The following RAP1A variants were observed in gnomAD, a reference collection of about 807,000 sequenced individuals.
RAP1A encodes the protein RAP1A, member of RAS oncogene family, also known as ras-related protein Rap-1A.
RAP1A carries 6 observed loss-of-function variants against 26.4 expected under a neutral mutation model. That is an observed-to-expected ratio of 0.23 (90% CI 0.12 to 0.45). RAP1A has a LOEUF of 0.45. RAP1A is among the 20% of genes least tolerant of loss of function. The pLI is 0.99. For synonymous variants in RAP1A, 73 were observed against 79.4 expected (o/e 0.92, Z 0.43); for missense variants, 121 against 217.2 (o/e 0.56, Z 2.78).
chr1:111,652,209 G>A (rs1204506091), intron 1 of RAP1A, among the ~76,000 whole-genome samples: 1 of 151,954 alleles, frequency 6.6e-6, no homozygotes, highest in Non-Finnish European at 1.5e-5. Context: ...CCTGATCTCA[G>A]GTGATCCACC....
chr1:111,671,502 T>A (rs1660973681), intron 1 of RAP1A, among the ~76,000 whole-genome samples: 1 of 152,138 alleles, frequency 6.6e-6, no homozygotes, highest in African/African-American at 2.4e-5. Flanking sequence ...TTTGAGGCAC[T>A]CTCATTTTGT....
intron 1 of RAP1A, among the ~76,000 whole-genome samples, chr1:111,678,740 C>T (rs924575655): frequency 6.6e-6 from 1 of 150,828 alleles, no homozygotes; most frequent in African/African-American, 2.4e-5. Flanking sequence ...TGTCATTATG[C>T]AGCACATGAC....
intron 1 of RAP1A, among the ~76,000 whole-genome samples, chr1:111,628,793 A>G (rs1659478280): frequency 6.6e-6 from 1 of 152,208 alleles, no homozygotes; most frequent in Non-Finnish European, 1.5e-5. Flanking sequence ...GCTTACATGC[A>G]GTTAGGCAGC....
intron 1 of RAP1A, among the ~76,000 whole-genome samples, chr1:111,632,325 A>G (rs1659591813): frequency 6.6e-6 from 1 of 152,062 alleles, no homozygotes; most frequent in South Asian, 2.1e-4. Flanking sequence ...CAAATTAATT[A>G]ATATCTTAAT....
intron 1 of RAP1A, among the ~76,000 whole-genome samples, chr1:111,553,300 G>C (rs1657346184): frequency 6.6e-6 from 1 of 152,188 alleles, no homozygotes; most frequent in South Asian, 2.1e-4. Flanking sequence ...GGATTCCTCA[G>C]CTCTGGCAAA....
At chr1:111,686,769 C>G (rs1479904028) in intron 1 of RAP1A, 1 of 147,962 alleles carries the variant, frequency 6.8e-6, no homozygotes, top group Non-Finnish European at 1.5e-5. Flanking sequence ...ACTAAAGTAA[C>G]CTAAAATGGT....
intron 1 of RAP1A, among the ~76,000 whole-genome samples, chr1:111,642,924 C>T (rs113493390): frequency 0.13 from 19,575 of 151,808 alleles, 1,594 homozygotes; most frequent in South Asian, 0.17. Context: ...TGTGCGCCAC[C>T]ACACCCGGCT....
intron 1 of RAP1A, among the ~76,000 whole-genome samples, chr1:111,634,776 C>T (rs1659677039): frequency 6.6e-6 from 1 of 151,942 alleles, no homozygotes; most frequent in Admixed American, 6.6e-5. Flanking sequence ...TCCTGAGTAG[C>T]TGGGATTACA....
chr1:111,638,984 A>G (rs1315018095), intron 1 of RAP1A, among the ~76,000 whole-genome samples: 1 of 152,210 alleles, frequency 6.6e-6, no homozygotes, highest in African/African-American at 2.4e-5. Flanking sequence ...AAAGTTGCAT[A>G]GTGAACAAAC....
At position 111,704,494 on chromosome 1, in the gene RAP1A, A is replaced by G. The variant is rs770708416; in HGVS notation, c.468+8A>G. On this transcript the variant is annotated splice_region_variant and intron_variant, in intron 6 of 7. Transcript: ENST00000369709. ...AAGATCAATGTTAATGAGGTAACCT[A>G]CAACTGCTGGGCAGCACAAACAAGT... The G allele has an allele frequency of 1.9e-6, 3 of 1,609,128 alleles. No homozygotes were observed. The highest frequency in any genetic ancestry group is 1.1e-5 in the South Asian group (1 of 90,432).
At chr1:111,653,327 A>G (rs1288150540) in intron 1 of RAP1A, among the ~76,000 whole-genome samples, 1 of 152,108 alleles carries the variant, frequency 6.6e-6, no homozygotes, top group African/African-American at 2.4e-5. Flanking sequence ...CAGAAATTAG[A>G]TAGTGATGGT....
chr1:111,689,833 C>T (rs569400191), intron 1 of RAP1A, among the ~76,000 whole-genome samples: 83 of 152,144 alleles, frequency 5.5e-4, no homozygotes, highest in Non-Finnish European at 1.1e-3. Context: ...CCCGCCACCA[C>T]GCCCGGCTAA....
At chr1:111,702,722 G>A (rs968716744) in intron 4 of RAP1A, among the ~76,000 whole-genome samples, 1 of 148,438 alleles carries the variant, frequency 6.7e-6, no homozygotes, top group African/African-American at 2.4e-5. Flanking sequence ...CACTACGCCC[G>A]GCTAATGTTG....
intron 1 of RAP1A, among the ~76,000 whole-genome samples, chr1:111,683,367 CAATG>C (rs1661366754): frequency 6.6e-6 from 1 of 151,914 alleles, no homozygotes; most frequent in African/African-American, 2.4e-5. Context: ...TTCAAAAAAT[CAATG>C]AATCCAGGAG....
chr1:111,600,940 G>A (rs1014802723), intron 1 of RAP1A, among the ~76,000 whole-genome samples: 2 of 152,286 alleles, frequency 1.3e-5, no homozygotes, highest in Non-Finnish European at 2.9e-5. Flanking sequence ...GCATGTGAGC[G>A]GAGTGAGTAA....
At chr1:111,660,170 C>T (rs1266767103) in intron 1 of RAP1A, among the ~76,000 whole-genome samples, 4 of 152,182 alleles carry the variant, frequency 2.6e-5, no homozygotes, top group Admixed American at 2.6e-4. Flanking sequence ...GATAGTGTCA[C>T]TTAATACAGA....
intron 1 of RAP1A, among the ~76,000 whole-genome samples, chr1:111,594,029 T>C (rs1571487854): frequency 6.6e-6 from 1 of 152,086 alleles, no homozygotes; most frequent in Non-Finnish European, 1.5e-5. Context: ...GAAAACAAAA[T>C]AAGTTGATTT....
At chr1:111,669,026 G>GAAAAAAAAA (rs58557062) in intron 1 of RAP1A, among the ~76,000 whole-genome samples, 14 of 19,338 alleles carry the variant, frequency 7.2e-4, no homozygotes, top group Non-Finnish European at 9.7e-4. Flanking sequence ...CCTATCTCAA[G>GAAAAAAAAA]AAAAAAAAAA....
At chr1:111,575,693 C>T (rs1658134195) in intron 1 of RAP1A, among the ~76,000 whole-genome samples, 1 of 152,124 alleles carries the variant, frequency 6.6e-6, no homozygotes, top group Non-Finnish European at 1.5e-5. Context: ...GAGAAAGTGG[C>T]CATCTGCAAG....
Sources: allele counts gnomAD v4.1 joint callset (sites outside exome capture counted in the v4.1 genomes callset), GRCh38; gene constraint gnomAD v4.1.1; transcripts MANE v1.5; gene names NCBI Gene and HGNC (gene_info 2026-07-23, HGNC 2026-07-21).